LRRC56: variants seen among roughly 807,000 people sequenced by gnomAD.
LRRC56 encodes the protein leucine-rich repeat-containing protein 56.
Under a neutral mutation model 47.8 loss-of-function variants are expected in LRRC56, and 41 were observed. That is an observed-to-expected ratio of 0.86 (90% CI 0.67 to 1.11). The LOEUF is 1.11. Ranked by LOEUF, LRRC56 falls within the 50% of genes most tolerant of loss-of-function variation. The pLI, the probability that LRRC56 is intolerant of heterozygous loss-of-function variation, is 0.00. For missense variants in LRRC56, 759 were observed against 704.2 expected, an observed-to-expected ratio of 1.08 and a Z score of -0.88; for synonymous variants, 387 against 311.2, an observed-to-expected ratio of 1.24 and a Z score of -2.56.
the LRRC56 span, among the ~76,000 whole-genome samples, chr11:531,975 G>A: frequency 5.1e-4 from 77 of 152,194 alleles, no homozygotes; most frequent in South Asian, 8.3e-4. Flanking sequence ...CCCTCTGGAG[G>A]ACCAGGACGC....
upstream of LRRC56, chr11:534,517 C>T: frequency 1.7e-6 from 1 of 605,246 alleles, no homozygotes. Context: ...AGCGTGCCTA[C>T]CTGTGCAGCT....
intron 8 of LRRC56, 62 bp from the exon 9 acceptor site, chr11:551,069 C>A: frequency 1.0e-6 from 1 of 1,003,542 alleles, no homozygotes; most frequent in Non-Finnish European, 1.4e-6. Context: ...AGGGAAAGAG[C>A]TGGCCGGAAG....
chr11:552,826 A>T (rs1324066969), intron 13 of LRRC56, 124 bp downstream of exon 13: 4 of 857,532 alleles, frequency 4.7e-6, no homozygotes, highest in Non-Finnish European at 7.0e-6. Flanking sequence ...ATGCTCTGAG[A>T]GGGACTGTAA....
intron 6 of LRRC56, 76 bp downstream of exon 6, chr11:544,856 G>T (rs1354352211): frequency 7.3e-6 from 7 of 960,044 alleles, no homozygotes; most frequent in Non-Finnish European, 1.6e-6. Flanking sequence ...GGGATGGGGG[G>T]AGAACTTGGT....
At chr11:535,903 G>A (rs1403306887), upstream of LRRC56, among the ~76,000 whole-genome samples, 2 of 152,152 alleles carry the variant, frequency 1.3e-5, no homozygotes, top group African/African-American at 4.8e-5. Flanking sequence ...CAGCGGTGCC[G>A]GTGCACCAGA....
At chr11:518,181 A>G in the LRRC56 span, among the ~76,000 whole-genome samples, 2 of 152,002 alleles carry the variant, frequency 1.3e-5, no homozygotes, top group Admixed American at 6.6e-5. Context: ...AAATAATAAT[A>G]ATAAAATTTT....
At chr11:521,313 G>T in the LRRC56 span, among the ~76,000 whole-genome samples, 1 of 152,170 alleles carries the variant, frequency 6.6e-6, no homozygotes, top group South Asian at 2.1e-4. Flanking sequence ...GCTTGGTTCT[G>T]CCTGTTCCTA....
the LRRC56 span, chr11:529,269 C>G: frequency 6.6e-6 from 1 of 152,466 alleles, no homozygotes; most frequent in Admixed American, 6.5e-5. Flanking sequence ...GCCCTGGACA[C>G]AAATCTGGCT....
chr11:512,241 T>G, the LRRC56 span, among the ~76,000 whole-genome samples: 4 of 151,284 alleles, frequency 2.6e-5, no homozygotes, highest in Admixed American at 2.6e-4. Context: ...AAAGCCTTTT[T>G]GTTTTCATTT....
At chr11:526,508 C>T in the LRRC56 span, among the ~76,000 whole-genome samples, 1 of 152,202 alleles carries the variant, frequency 6.6e-6, no homozygotes, top group African/African-American at 2.4e-5. Context: ...CCCTAACAAA[C>T]TGAAAGTCTA....
chr11:539,865 G>A (rs1851708369), intron 3 of LRRC56, 139 bp downstream of exon 3: 1 of 152,392 alleles, frequency 6.6e-6, no homozygotes, highest in South Asian at 2.1e-4. Flanking sequence ...GACCCCTGTG[G>A]AGAAGGAGGG....
chr11:513,301 C>T, the LRRC56 span, among the ~76,000 whole-genome samples: 2 of 152,152 alleles, frequency 1.3e-5, no homozygotes. Context: ...TACAGGCACA[C>T]GCCACCATGC....
At chr11:523,355 G>A in the LRRC56 span, among the ~76,000 whole-genome samples, 77 of 151,502 alleles carry the variant, frequency 5.1e-4, no homozygotes, top group African/African-American at 1.6e-3. Flanking sequence ...TCTGGGGGCC[G>A]GGCGTGGTGG....
At chr11:527,944 C>T in the LRRC56 span, among the ~76,000 whole-genome samples, 3 of 152,100 alleles carry the variant, frequency 2.0e-5, no homozygotes, top group East Asian at 1.9e-4. Context: ...TCAGGTGATC[C>T]GCCCGCCTCG....
the LRRC56 span, chr11:528,792 G>C: frequency 1.3e-5 from 2 of 153,562 alleles, no homozygotes; most frequent in East Asian, 3.8e-4. Flanking sequence ...GCCAGTTCAG[G>C]GGGTGGAGGA....
the LRRC56 span, chr11:532,281 C>G: frequency 4.3e-6 from 2 of 460,484 alleles, no homozygotes; most frequent in Admixed American, 6.9e-5. Context: ...CCATCTGTGC[C>G]CGACAAGGGC....
chr11:536,217 C>A (rs1851487306), upstream of LRRC56, among the ~76,000 whole-genome samples: 1 of 152,242 alleles, frequency 6.6e-6, no homozygotes, highest in African/African-American at 2.4e-5. Context: ...CGTGAGAACG[C>A]CCCCTCCACC....
the LRRC56 span, among the ~76,000 whole-genome samples, chr11:522,326 C>T: frequency 6.6e-6 from 1 of 152,016 alleles, no homozygotes; most frequent in African/African-American, 2.4e-5. Flanking sequence ...AGTGCAGTGG[C>T]GCGATCTCAG....
Position 538,031 on chromosome 11 carries a change from T to C in LRRC56, c.-422+426T>C, listed in dbSNP as rs79966637. Among the ~76,000 whole-genome samples, 677 of 152,134 alleles carry C rather than the reference T, an allele frequency of 4.5e-3. 3 individuals carry two copies. The highest frequency in any genetic ancestry group is 0.016 in the African/African-American group (648 of 41,502). ...GGAGACAGGCCCCCCAGTTACCAAT[T>C]TGGGGAGCATGGGGGCTTGCAGAGG... On this transcript the variant is annotated intron_variant, in intron 1 of 13. Transcript: ENST00000270115.
Sources: allele counts gnomAD v4.1 joint callset (sites outside exome capture counted in the v4.1 genomes callset), GRCh38; gene constraint gnomAD v4.1.1; transcripts MANE v1.5; gene names NCBI Gene and HGNC (gene_info 2026-07-23, HGNC 2026-07-21).